EAF2: variants seen among roughly 807,000 people sequenced by gnomAD.
EAF2 encodes ELL associated factor 2.
In EAF2, 29 loss-of-function variants were observed where a neutral mutation model predicts 29.4. The observed-to-expected ratio is 0.99, with a 90% CI of 0.73 to 1.35. The LOEUF is 1.35. Ranked by LOEUF, EAF2 falls within the 40% of genes most tolerant of loss-of-function variation. EAF2 has a pLI of 0.00. For synonymous variants in EAF2, 103 were observed against 102.5 expected, an observed-to-expected ratio of 1.00 and a Z score of -0.03; for missense variants, 292 against 312.0, an observed-to-expected ratio of 0.94 and a Z score of 0.48.
At chr3:121,874,483 A>G (rs1055819797) in intron 5 of EAF2, among the ~76,000 whole-genome samples, 1 of 151,866 alleles carries the variant, frequency 6.6e-6, no homozygotes, top group Non-Finnish European at 1.5e-5. Flanking sequence ...AATAAGTTCT[A>G]TAGTAAATTG....
intron 1 of EAF2, among the ~76,000 whole-genome samples, chr3:121,843,063 GA>G (rs1259342325): frequency 6.6e-6 from 1 of 152,108 alleles, no homozygotes; most frequent in African/African-American, 2.4e-5. Context: ...GCAGCATGAA[GA>G]ATATATTATA....
At chr3:121,846,432 C>G (rs530591653) in intron 2 of EAF2, among the ~76,000 whole-genome samples, 3 of 152,286 alleles carry the variant, frequency 2.0e-5, no homozygotes, top group Admixed American at 2.0e-4. Context: ...TCTAGTATCT[C>G]TAAAACAATT....
At chr3:121,851,584 G>A (rs1484835862) in intron 2 of EAF2, among the ~76,000 whole-genome samples, 1 of 152,166 alleles carries the variant, frequency 6.6e-6, no homozygotes, top group Non-Finnish European at 1.5e-5. Context: ...TGTAAACAGT[G>A]GCAAATTAAG....
intron 4 of EAF2, among the ~76,000 whole-genome samples, chr3:121,863,947 C>A (rs1475384791): frequency 2.0e-5 from 3 of 152,158 alleles, no homozygotes; most frequent in Admixed American, 6.5e-5. Context: ...TTCCTCACAG[C>A]ATCTTCCTGT....
At chr3:121,861,473 C>T (rs894286099) in intron 4 of EAF2, among the ~76,000 whole-genome samples, 5 of 152,128 alleles carry the variant, frequency 3.3e-5, no homozygotes, top group African/African-American at 1.2e-4. Flanking sequence ...TCTGTTTTGT[C>T]AGGGACTAGG....
In EAF2 at chr3:121,841,966, A is replaced by G. The variant is rs1033832686; in HGVS notation, c.107-2487A>G. ...GGTTGCAGTGAGCTGAGATCGCACC[A>G]CTGCACTCCAGCCTAGGCGACAGAG... On this transcript the variant is annotated intron_variant, in intron 1 of 5. Transcript: ENST00000273668. 6.6e-5 allele frequency among the ~76,000 whole-genome samples: 10 copies of G among 152,018 alleles called. 1 individual carries two copies. The highest frequency in any genetic ancestry group is 5.3e-4 in the Admixed American group (8 of 15,234).
At chr3:121,845,459 A>AAGAAAG (rs1553726218) in intron 2 of EAF2, among the ~76,000 whole-genome samples, 5 of 96,656 alleles carry the variant, frequency 5.2e-5, no homozygotes, top group Admixed American at 1.3e-4. Context: ...AAAAAAAAAA[A>AAGAAAG]AAAGAAAGAA....
chr3:121,857,504 GA>G lies in EAF2; in HGVS notation c.484+357del, dbSNP rs200009284. ...GACTCCATCTCAAAAAAAAAAAAAA[GA>G]AAAAAAAATGCTAAATGAATTTTTT... On this transcript the variant is annotated intron_variant, in intron 4 of 5. Coordinates refer to ENST00000273668, the MANE Select transcript of EAF2 (RefSeq NM_018456.6). 7.4e-3 allele frequency among the ~76,000 whole-genome samples: 1,077 copies of G among 145,918 alleles called. 9 individuals carry two copies. The highest frequency in any genetic ancestry group is 0.025 in the African/African-American group (994 of 39,768).
At chr3:121,859,571 C>T (rs1285218599) in intron 4 of EAF2, among the ~76,000 whole-genome samples, 1 of 152,118 alleles carries the variant, frequency 6.6e-6, no homozygotes, top group Non-Finnish European at 1.5e-5. Context: ...AGATTTGGGG[C>T]TGAGACAATG....
intron 5 of EAF2, among the ~76,000 whole-genome samples, chr3:121,883,946 C>T (rs1231856965): frequency 5.9e-5 from 9 of 152,142 alleles, no homozygotes; most frequent in Non-Finnish European, 1.2e-4. Flanking sequence ...ACTCTGAGTA[C>T]GTTTGGGTTT....
chr3:121,842,152 C>T (rs528006995), intron 1 of EAF2, among the ~76,000 whole-genome samples: 2 of 152,290 alleles, frequency 1.3e-5, no homozygotes, highest in Non-Finnish European at 2.9e-5. Context: ...CCACTGCACT[C>T]CAGCATGCAG....
chr3:121,873,144 C>A, intron 5 of EAF2: 1 of 638,718 alleles, frequency 1.6e-6, no homozygotes, highest in South Asian at 1.8e-5. Context: ...GCAGTCAATA[C>A]TTATGTGTAG....
chr3:121,873,941 ATTGT>A (rs1041134359), intron 5 of EAF2, among the ~76,000 whole-genome samples: 53 of 151,912 alleles, frequency 3.5e-4, no homozygotes, highest in African/African-American at 1.2e-3. Flanking sequence ...CTTTATATCA[ATTGT>A]TTGACAGTTG....
chr3:121,850,867 T>G (rs1708620233), intron 2 of EAF2, among the ~76,000 whole-genome samples: 1 of 151,892 alleles, frequency 6.6e-6, no homozygotes, highest in Admixed American at 6.6e-5. Context: ...GCCCAGCTAA[T>G]TTTTTGCATT....
chr3:121,836,836 C>T, intron 1 of EAF2: 2 of 963,594 alleles, frequency 2.1e-6, no homozygotes, highest in South Asian at 4.8e-5. Context: ...GTTACAAGGG[C>T]TTAAGATTAT....
chr3:121,861,772 T>A (rs1157383034), intron 4 of EAF2, among the ~76,000 whole-genome samples: 2 of 152,224 alleles, frequency 1.3e-5, no homozygotes, highest in East Asian at 1.9e-4. Context: ...GCATCAATGG[T>A]CTTTACAATT....
intron 2 of EAF2, among the ~76,000 whole-genome samples, chr3:121,847,340 G>T (rs1708546556): frequency 6.6e-6 from 1 of 152,190 alleles, no homozygotes; most frequent in Non-Finnish European, 1.5e-5. Context: ...TTTTGAAGAT[G>T]AGTTAAAGTT....
intron 2 of EAF2, among the ~76,000 whole-genome samples, chr3:121,845,704 G>T (rs1016689395): frequency 8.6e-5 from 13 of 151,764 alleles, no homozygotes; most frequent in South Asian, 2.1e-4. Flanking sequence ...AAAGTCCAAT[G>T]ATTAGAATTC....
intron 5 of EAF2, among the ~76,000 whole-genome samples, chr3:121,880,827 C>G (rs1355907056): frequency 1.3e-5 from 2 of 152,116 alleles, no homozygotes; most frequent in Non-Finnish European, 2.9e-5. Context: ...AAGCTTTCGG[C>G]TTTTCCCCAT....
Sources: gnomAD v4.1 joint callset for allele counts (sites outside exome capture counted in the v4.1 genomes callset) on GRCh38, gnomAD v4.1.1 for gene constraint, MANE v1.5 for transcripts, NCBI Gene and HGNC (gene_info 2026-07-23, HGNC 2026-07-21) for gene names.